ANK3: variants seen among roughly 807,000 people sequenced by gnomAD.
ANK3 encodes ankyrin 3, also known as ankyrin-3.
A neutral mutation model predicts 370.9 loss-of-function variants in ANK3; 57 were observed. The observed-to-expected ratio is 0.15, with a 90% CI of 0.12 to 0.19. The LOEUF (loss-of-function observed/expected upper bound fraction) is 0.19. ANK3 is among the 10% of genes least tolerant of loss of function. The pLI is 1.00. For synonymous variants in ANK3, 1,929 were observed against 1,946.3 expected, an observed-to-expected ratio of 0.99 and a Z score of 0.23; for missense variants, 4,439 against 5,302.1, an observed-to-expected ratio of 0.84 and a Z score of 5.06.
chr10:60,659,465 T>G (rs1460096480), intron 1 of ANK3, among the ~76,000 whole-genome samples: 1 of 152,152 alleles, frequency 6.6e-6, no homozygotes, highest in Non-Finnish European at 1.5e-5. Flanking sequence ...TTTATTCTAT[T>G]TTTATCATTG....
At chr10:60,294,911 T>C (rs1361388707) in intron 1 of ANK3, among the ~76,000 whole-genome samples, 1 of 152,144 alleles carries the variant, frequency 6.6e-6, no homozygotes, top group Non-Finnish European at 1.5e-5. Flanking sequence ...GAAGGAAACA[T>C]GTAGTAAAGA....
intron 42 of ANK3, 40 bp downstream of exon 42, chr10:60,055,618 T>A: frequency 6.5e-7 from 1 of 1,546,380 alleles, no homozygotes; most frequent in Non-Finnish European, 8.7e-7. Context: ...ACCGATACTT[T>A]CCATTTCAAT....
intron 2 of ANK3, among the ~76,000 whole-genome samples, chr10:60,598,868 G>A (rs2078023337): frequency 6.6e-6 from 1 of 152,150 alleles, no homozygotes; most frequent in African/African-American, 2.4e-5. Flanking sequence ...TAATCCCTCA[G>A]TTGGAAATTA....
At chr10:60,211,245 G>T (rs1199468731) in intron 9 of ANK3, among the ~76,000 whole-genome samples, 1 of 150,730 alleles carries the variant, frequency 6.6e-6, no homozygotes, top group Non-Finnish European at 1.5e-5. Flanking sequence ...CTAGCCTGAA[G>T]GACACCAGAA....
Position 60,200,035 on chromosome 10 carries a change from T to A in ANK3, c.1491+94A>T, listed in dbSNP as rs765344646. On this transcript the variant is annotated intron_variant, in intron 13 of 43. Coordinates refer to ENST00000280772, the MANE Select transcript of ANK3 (RefSeq NM_020987.5). ...TGGAGGTTTTTCAATATTTTTAAAG[T>A]ATTCTTGAAAGACTGCATGTATATA... 5.1e-5 allele frequency: 45 copies of A among 874,618 alleles called. No homozygotes were observed. In the Middle Eastern group the frequency reaches 6.6e-4, roughly 13 times the overall value. The allele number at this position is 874,618 out of a possible 1,614,324, so 54.2% of individuals were successfully genotyped here.
At chr10:60,385,160 T>C (rs959200208) in intron 1 of ANK3, among the ~76,000 whole-genome samples, 1 of 152,174 alleles carries the variant, frequency 6.6e-6, no homozygotes. Flanking sequence ...AAGATCTTCA[T>C]GCTCTGGCAC....
chr10:60,143,447 C>T (rs1245860196), intron 23 of ANK3, among the ~76,000 whole-genome samples: 1 of 152,108 alleles, frequency 6.6e-6, no homozygotes, highest in African/African-American at 2.4e-5. Flanking sequence ...ATAAGCCAAC[C>T]AAGGTAATTT....
chr10:60,451,931 A>C (rs2064615329), intron 2 of ANK3, among the ~76,000 whole-genome samples: 1 of 152,194 alleles, frequency 6.6e-6, no homozygotes, highest in South Asian at 2.1e-4. Flanking sequence ...ACCCTGGAGG[A>C]CCTGTGGAAA....
At chr10:60,088,062 T>C (rs1182963719) in intron 29 of ANK3, 85 bp downstream of exon 29, 15 of 1,052,456 alleles carry the variant, frequency 1.4e-5, no homozygotes, top group Non-Finnish European at 2.0e-5. Flanking sequence ...ATCATTAGGA[T>C]GTTAGAATAA....
At chr10:60,435,320 TCAAAA>T (rs2064129836) in intron 2 of ANK3, among the ~76,000 whole-genome samples, 1 of 152,214 alleles carries the variant, frequency 6.6e-6, no homozygotes, top group Non-Finnish European at 1.5e-5. Flanking sequence ...AATCCATTTA[TCAAAA>T]CAAGTGTATA....
chr10:60,096,587 A>G (rs549024169), intron 28 of ANK3, among the ~76,000 whole-genome samples: 2 of 152,308 alleles, frequency 1.3e-5, no homozygotes, highest in Non-Finnish European at 2.9e-5. Flanking sequence ...GTGAAACCTA[A>G]AAATCTGTTT....
At chr10:60,530,930 C>T (rs1311552609) in intron 2 of ANK3, among the ~76,000 whole-genome samples, 1 of 152,060 alleles carries the variant, frequency 6.6e-6, no homozygotes, top group Non-Finnish European at 1.5e-5. Flanking sequence ...ATATTACTCT[C>T]CACCCTTCCT....
intron 1 of ANK3, among the ~76,000 whole-genome samples, chr10:60,346,688 A>C (rs748696895): frequency 2.0e-5 from 3 of 152,104 alleles, no homozygotes; most frequent in Non-Finnish European, 4.4e-5. Flanking sequence ...CAACTCTCAT[A>C]CTTTGGAAAT....
At chr10:60,294,541 T>TA (rs1334744686) in intron 1 of ANK3, among the ~76,000 whole-genome samples, 1 of 152,182 alleles carries the variant, frequency 6.6e-6, no homozygotes, top group Non-Finnish European at 1.5e-5. Context: ...GCTGATTTTT[T>TA]AAAAAACAAA....
chr10:60,732,410 G>A (rs1336751492), intron 1 of ANK3, among the ~76,000 whole-genome samples: 2 of 152,212 alleles, frequency 1.3e-5, no homozygotes, highest in Non-Finnish European at 2.9e-5. Context: ...GCCTCCGGGC[G>A]TAAAGGTGGC....
intron 16 of ANK3, among the ~76,000 whole-genome samples, chr10:60,194,271 TTAAAG>T (rs1463583647): frequency 6.6e-6 from 1 of 152,230 alleles, no homozygotes; most frequent in African/African-American, 2.4e-5. Context: ...AATTTCCCAT[TTAAAG>T]TATTTTCCAG....
chr10:60,563,590 C>A (rs1189610605), intron 2 of ANK3, among the ~76,000 whole-genome samples: 1 of 152,158 alleles, frequency 6.6e-6, no homozygotes, highest in Non-Finnish European at 1.5e-5. Flanking sequence ...TGAATAAAGA[C>A]TATAAATAGC....
At chr10:60,543,204 G>C (rs1460031480) in intron 2 of ANK3, among the ~76,000 whole-genome samples, 1 of 151,856 alleles carries the variant, frequency 6.6e-6, no homozygotes, top group East Asian at 1.9e-4. Flanking sequence ...TCCCATATAT[G>C]ACTGAGAGGA....
At chr10:60,564,216 T>C (rs1024693987) in intron 2 of ANK3, among the ~76,000 whole-genome samples, 2 of 152,126 alleles carry the variant, frequency 1.3e-5, no homozygotes, top group African/African-American at 4.8e-5. Context: ...TTTTAAAAAA[T>C]TTATAGCTAT....
Sources: allele counts gnomAD v4.1 joint callset (sites outside exome capture counted in the v4.1 genomes callset), GRCh38; gene constraint gnomAD v4.1.1; transcripts MANE v1.5; gene names NCBI Gene and HGNC (gene_info 2026-07-23, HGNC 2026-07-21).